Variants in PAX8 observed in about 807,000 individuals in gnomAD.
The protein encoded by PAX8 is paired box protein Pax-8.
A neutral mutation model predicts 52.4 loss-of-function variants in PAX8; 15 were observed. That is an observed-to-expected ratio of 0.29 (90% CI 0.19 to 0.44). PAX8 has a LOEUF of 0.44. Ranked by LOEUF, PAX8 falls within the 20% of genes least tolerant of loss-of-function variation. The probability of loss-of-function intolerance (pLI) is 1.00; values close to 1 mark genes in which losing one functional copy is unlikely to be tolerated. For synonymous variants in PAX8, 284 were observed against 249.7 expected (o/e 1.14, Z -1.29); for missense variants, 554 against 602.5 (o/e 0.92, Z 0.84).
At position 113,218,258 on chromosome 2, in the gene PAX8, T is replaced by A. The variant is rs1689094752; in HGVS notation, c.*275A>T. On this transcript the variant is annotated 3_prime_UTR_variant, in exon 12 of 12. Coordinates refer to ENST00000429538, the MANE Select transcript of PAX8 (RefSeq NM_003466.4). ...TGGTGGGTACCGGCTGGGGGCTACA[T>A]TTCTTCTTCAATTTTGTCTTTTTCA... 2.8e-6 allele frequency: 1 copy of A among 361,652 alleles called. No homozygotes were observed. The highest frequency in any genetic ancestry group is 2.1e-5 in the African/African-American group (1 of 47,992). The allele number at this position is 361,652 out of a possible 1,614,324, so 22.4% of individuals were successfully genotyped here. A position where few individuals can be genotyped will look rare whatever the true frequency, so the allele number is the denominator to read the frequency against.
At chr2:113,240,908 C>A in intron 7 of PAX8, 1 of 165,746 alleles carries the variant, frequency 6.0e-6, no homozygotes, top group African/African-American at 2.4e-5. Flanking sequence ...CTGTGAGAAG[C>A]TACTGAGAGC....
chr2:113,219,848 G>C (rs1023080255), intron 11 of PAX8, among the ~76,000 whole-genome samples: 19 of 152,164 alleles, frequency 1.2e-4, no homozygotes, highest in African/African-American at 4.3e-4. Context: ...AGATTTAAAA[G>C]ACATGGGCTT....
At chr2:113,267,637 G>A (rs1234741459) in intron 2 of PAX8, 1 of 152,152 alleles carries the variant, frequency 6.6e-6, no homozygotes, top group Non-Finnish European at 1.5e-5. Context: ...CCAGTGCATC[G>A]ATTATGACTT....
chr2:113,277,819 G>A (rs1295789616), intron 2 of PAX8, among the ~76,000 whole-genome samples: 1 of 152,162 alleles, frequency 6.6e-6, no homozygotes, highest in East Asian at 1.9e-4. Context: ...CGCCCGGCCT[G>A]CCCGGTGCTG....
intron 9 of PAX8, chr2:113,230,406 CCCACGGGGCT>C (rs1389942172): frequency 2.0e-5 from 3 of 152,278 alleles, no homozygotes; most frequent in Non-Finnish European, 2.9e-5. Flanking sequence ...CAGAGGTGCC[CCCACGGGGCT>C]CCACCGCATG....
intron 9 of PAX8, among the ~76,000 whole-genome samples, chr2:113,229,823 G>A (rs1689784818): frequency 6.6e-6 from 1 of 152,210 alleles, no homozygotes; most frequent in Admixed American, 6.5e-5. Flanking sequence ...GGAAGTCTGT[G>A]AGAGCAGGAG....
At position 113,278,480 on chromosome 2, in the gene PAX8, C is replaced by G. The variant is rs1483344465; in HGVS notation, c.-75-11G>C. The G allele has an allele frequency of 6.3e-6, 10 of 1,591,416 alleles. No homozygotes were observed. In the South Asian group the frequency reaches 1.0e-4, roughly 16 times the overall value. On this transcript the variant is annotated splice_polypyrimidine_tract_variant and intron_variant, in intron 1 of 11. Transcript: ENST00000429538. ...GCGCCTGCCGCTGCCCTGCACAAAC[C>G]CAGGAGAAGGGCATGAGATGCGATG... is the stretch of plus-strand genomic sequence containing the variant.
chr2:113,245,379 G>T (rs1691230824), intron 3 of PAX8, among the ~76,000 whole-genome samples: 1 of 152,142 alleles, frequency 6.6e-6, no homozygotes, highest in South Asian at 2.1e-4. Context: ...CACCTAGAAA[G>T]CTAGCCGAGG....
intron 10 of PAX8, among the ~76,000 whole-genome samples, chr2:113,223,857 A>C (rs1689394309): frequency 6.6e-6 from 1 of 152,252 alleles, no homozygotes; most frequent in Non-Finnish European, 1.5e-5. Context: ...CCTATACAGT[A>C]GACCTTCAAC....
At chr2:113,274,052 A>G (rs547894536) in intron 2 of PAX8, 8 of 152,194 alleles carry the variant, frequency 5.3e-5, no homozygotes, top group Non-Finnish European at 5.9e-5. Context: ...GTGTGTCTCT[A>G]CTTTGGGTTA....
At chr2:113,234,740 G>T (rs1573433083) in intron 9 of PAX8, among the ~76,000 whole-genome samples, 1 of 152,040 alleles carries the variant, frequency 6.6e-6, no homozygotes, top group East Asian at 1.9e-4. Context: ...GGCTGGTCTT[G>T]AACTCTTGAC....
intron 2 of PAX8, among the ~76,000 whole-genome samples, chr2:113,248,148 A>T (rs192598699): frequency 1.3e-5 from 2 of 152,356 alleles, no homozygotes; most frequent in East Asian, 3.9e-4. Context: ...ACCTAGAGCC[A>T]TACTGGGCTA....
At chr2:113,232,306 C>G (rs1227478600) in intron 9 of PAX8, among the ~76,000 whole-genome samples, 1 of 152,252 alleles carries the variant, frequency 6.6e-6, no homozygotes, top group Non-Finnish European at 1.5e-5. Flanking sequence ...GCTTCCTACT[C>G]TTGGCCATTT....
intron 3 of PAX8, among the ~76,000 whole-genome samples, chr2:113,245,713 A>G (rs1402469575): frequency 6.6e-6 from 1 of 152,204 alleles, no homozygotes; most frequent in Non-Finnish European, 1.5e-5. Flanking sequence ...CATCTGCATG[A>G]AAAAGAATCT....
At chr2:113,242,660 G>A in intron 5 of PAX8, 30 bp downstream of exon 5, 1 of 1,462,688 alleles carries the variant, frequency 6.8e-7, no homozygotes, top group Non-Finnish European at 9.6e-7. Flanking sequence ...ACACGAGCAT[G>A]TGTGTGTATC....
chr2:113,242,610 G>A, intron 5 of PAX8, 80 bp downstream of exon 5: 1 of 931,174 alleles, frequency 1.1e-6, no homozygotes. Flanking sequence ...GTGTCTGTGT[G>A]TGCCTCTGTG....
intron 4 of PAX8, among the ~76,000 whole-genome samples, chr2:113,243,397 CT>C (rs5833491): frequency 0.96 from 143,577 of 150,032 alleles, 68,728 homozygotes; most frequent in East Asian, 1. Context: ...TTCTTTCTTT[CT>C]TTTTTTTTTT....
intron 2 of PAX8, among the ~76,000 whole-genome samples, chr2:113,254,000 TC>T (rs1691996359): frequency 6.6e-6 from 1 of 152,246 alleles, no homozygotes. Flanking sequence ...AAGACTTCTT[TC>T]GTTTTGATCA....
chr2:113,231,144 C>T (rs768695769), intron 9 of PAX8, among the ~76,000 whole-genome samples: 8 of 152,190 alleles, frequency 5.3e-5, no homozygotes, highest in Non-Finnish European at 8.8e-5. Context: ...TTCCTTATCT[C>T]GTTCTGATAG....
Sources: allele counts gnomAD v4.1 joint callset (sites outside exome capture counted in the v4.1 genomes callset), GRCh38; gene constraint gnomAD v4.1.1; transcripts MANE v1.5; gene names NCBI Gene and HGNC (gene_info 2026-07-23, HGNC 2026-07-21).